Variants in LYRM4 observed in about 807,000 individuals in gnomAD.
The protein encoded by LYRM4 is LYR motif containing 4.
LYRM4 carries 9 observed loss-of-function variants against 11.7 expected under a neutral mutation model. The ratio of observed to expected loss-of-function variants is 0.77; its 90% CI spans 0.46 to 1.34. The LOEUF is 1.34. Ranked by LOEUF, LYRM4 falls within the 40% of genes most tolerant of loss-of-function variation. The pLI, the probability that LYRM4 is intolerant of heterozygous loss-of-function variation, is 0.00. For synonymous variants in LYRM4, 42 were observed against 40.4 expected, an observed-to-expected ratio of 1.04 and a Z score of -0.15; for missense variants, 133 against 112.5, an observed-to-expected ratio of 1.18 and a Z score of -0.82.
the LYRM4 span, among the ~76,000 whole-genome samples, chr6:5,045,719 C>A: frequency 2.6e-5 from 4 of 152,176 alleles, no homozygotes; most frequent in East Asian, 7.7e-4. Flanking sequence ...TTCCATTTTG[C>A]CTCTAGGTAG....
the LYRM4 span, among the ~76,000 whole-genome samples, chr6:5,056,997 C>T: frequency 6.6e-6 from 1 of 152,040 alleles, no homozygotes; most frequent in Non-Finnish European, 1.5e-5. Flanking sequence ...GTTGAAAAGA[C>T]ATGTACTCAA....
chr6:5,125,476 G>A (rs9504333), intron 2 of LYRM4, among the ~76,000 whole-genome samples: 18,103 of 152,182 alleles, frequency 0.12, 1,270 homozygotes, highest in South Asian at 0.32. Context: ...CCAGTGCCTC[G>A]CGTGGTGCCT....
At chr6:5,160,610 T>TG (rs1165911983) in intron 2 of LYRM4, among the ~76,000 whole-genome samples, 2 of 151,634 alleles carry the variant, frequency 1.3e-5, no homozygotes, top group African/African-American at 4.9e-5. Flanking sequence ...CCATGTGAGA[T>TG]GTGCCTTTGT....
At chr6:5,126,205 T>G (rs1385077196) in intron 2 of LYRM4, among the ~76,000 whole-genome samples, 1 of 152,230 alleles carries the variant, frequency 6.6e-6, no homozygotes, top group East Asian at 1.9e-4. Flanking sequence ...TCCAGAGCTG[T>G]GCAAACACAA....
intron 2 of LYRM4, among the ~76,000 whole-genome samples, chr6:5,146,713 C>G (rs1194302577): frequency 6.6e-6 from 1 of 152,178 alleles, no homozygotes; most frequent in East Asian, 1.9e-4. Context: ...CAACTCTGGC[C>G]AAAGTGGCTA....
rs1344144505 is a variant in LYRM4, at chr6:5,108,921, T to C, written c.*502A>G. On this transcript the variant is annotated 3_prime_UTR_variant, in exon 3 of 3. Transcript: ENST00000330636. Reference sequence around the variant, plus strand: ...CTGCCCTACTCCATGCTGCCCCCAGTCTCAAGTGGTGCTTGAACTTGCCTT... The same window carrying C: ...CTGCCCTACTCCATGCTGCCCCCAGCCTCAAGTGGTGCTTGAACTTGCCTT... The C allele has an allele frequency of 1.8e-5, 18 of 994,772 alleles. No homozygotes were observed. The highest frequency in any genetic ancestry group is 2.2e-5 in the Non-Finnish European group (18 of 834,806). The allele number at this position is 994,772 out of a possible 1,614,324, so 61.6% of individuals were successfully genotyped here. A position where few individuals can be genotyped will look rare whatever the true frequency, so the allele number is the denominator to read the frequency against.
chr6:5,049,792 C>A, the LYRM4 span, among the ~76,000 whole-genome samples: 78 of 152,224 alleles, frequency 5.1e-4, no homozygotes, highest in African/African-American at 1.8e-3. Flanking sequence ...GTCTCAGCCT[C>A]CCCAGTAGTT....
At chr6:5,216,593 A>G (rs750757593) in intron 2 of LYRM4, 25 bp downstream of exon 2, 2 of 1,613,162 alleles carry the variant, frequency 1.2e-6, no homozygotes, top group Non-Finnish European at 1.7e-6. Flanking sequence ...TTAATGAAAA[A>G]CAGTACATCA....
the LYRM4 span, among the ~76,000 whole-genome samples, chr6:5,064,708 T>A: frequency 6.6e-6 from 1 of 152,156 alleles, no homozygotes; most frequent in South Asian, 2.1e-4. Flanking sequence ...GCTAGCCTTA[T>A]TATTATTTTT....
intron 2 of LYRM4, among the ~76,000 whole-genome samples, chr6:5,138,487 CAAAAAAAA>C (rs765741377): frequency 3.2e-3 from 161 of 49,692 alleles, no homozygotes; most frequent in African/African-American, 9.4e-3. Flanking sequence ...ACCCTGTCTC[CAAAAAAAA>C]AAAAAAAAAA....
chr6:5,140,990 C>A (rs1298090326), intron 2 of LYRM4, among the ~76,000 whole-genome samples: 2 of 152,168 alleles, frequency 1.3e-5, no homozygotes, highest in Non-Finnish European at 2.9e-5. Context: ...GAAATCAGAC[C>A]AAGAGCCTCT....
intron 1 of LYRM4, among the ~76,000 whole-genome samples, chr6:5,236,774 CCT>C (rs1196360162): frequency 6.7e-6 from 1 of 150,174 alleles, no homozygotes; most frequent in African/African-American, 2.5e-5. Flanking sequence ...ACAGTGAGAC[CCT>C]GTCTCTAAAA....
intron 2 of LYRM4, among the ~76,000 whole-genome samples, chr6:5,170,111 A>G (rs1357289470): frequency 1.1e-4 from 17 of 152,208 alleles, no homozygotes; most frequent in Admixed American, 1.0e-3. Context: ...TGAAGGCTGA[A>G]GAGGTTATGG....
chr6:5,129,147 AC>A lies in LYRM4; in HGVS notation c.208-19657del, dbSNP rs765493878. 7.7e-4 allele frequency among the ~76,000 whole-genome samples: 117 copies of A among 152,174 alleles called. 1 individual carries two copies. Among genetic ancestry groups the A allele is most frequent in the Admixed American group, 2.0e-3 (31 of 15,278 alleles). On this transcript the variant is annotated intron_variant, in intron 2 of 2. Coordinates refer to ENST00000330636, the MANE Select transcript of LYRM4 (RefSeq NM_020408.6). ...ATGGTGTGATCTTCGGACTGCGTCT[AC>A]CTGCTCCCGCACTCAGCTGGGAATA... is the stretch of plus-strand genomic sequence containing the variant.
At chr6:5,246,766 C>CAGTT (rs1764216074) in intron 1 of LYRM4, among the ~76,000 whole-genome samples, 1 of 151,858 alleles carries the variant, frequency 6.6e-6, no homozygotes, top group Non-Finnish European at 1.5e-5. Flanking sequence ...GGATGTGGAG[C>CAGTT]AGTTGCCTAT....
chr6:5,085,824 G>A, the LYRM4 span: 9 of 1,528,568 alleles, frequency 5.9e-6, no homozygotes, highest in African/African-American at 1.2e-4. Flanking sequence ...GCGGCGAGGG[G>A]GCGGAGGACG....
At chr6:5,237,610 T>C (rs541799592) in intron 1 of LYRM4, among the ~76,000 whole-genome samples, 73 of 152,110 alleles carry the variant, frequency 4.8e-4, no homozygotes, top group Non-Finnish European at 8.2e-4. Flanking sequence ...CCAAAAAGGT[T>C]GGGGACCACT....
the LYRM4 span, chr6:5,088,259 T>A: frequency 6.6e-6 from 1 of 152,148 alleles, no homozygotes; most frequent in African/African-American, 2.4e-5. Context: ...CACACCTGGC[T>A]AATTTTTGTA....
the LYRM4 span, among the ~76,000 whole-genome samples, chr6:5,057,563 C>CA: frequency 1.6e-4 from 25 of 151,922 alleles, no homozygotes; most frequent in South Asian, 6.3e-4. Flanking sequence ...ACTAAAAATT[C>CA]AAAAAATTAG....
Sources: gnomAD v4.1 joint callset for allele counts (sites outside exome capture counted in the v4.1 genomes callset) on GRCh38, gnomAD v4.1.1 for gene constraint, MANE v1.5 for transcripts, NCBI Gene and HGNC (gene_info 2026-07-23, HGNC 2026-07-21) for gene names.